MIPEP: variants seen among roughly 807,000 people sequenced by gnomAD.
The protein encoded by MIPEP is mitochondrial intermediate peptidase.
A neutral mutation model predicts 90.3 loss-of-function variants in MIPEP; 79 were observed. The ratio of observed to expected loss-of-function variants is 0.87; its 90% CI spans 0.73 to 1.05. The LOEUF is 1.05. Ranked by LOEUF, MIPEP falls within the 50% of genes least tolerant of loss-of-function variation. The pLI, the probability that MIPEP is intolerant of heterozygous loss-of-function variation, is 0.00. For missense variants in MIPEP, 940 were observed against 905.6 expected, an observed-to-expected ratio of 1.04 and a Z score of -0.49; for synonymous variants, 334 against 315.8, an observed-to-expected ratio of 1.06 and a Z score of -0.61.
intron 14 of MIPEP, among the ~76,000 whole-genome samples, chr13:23,834,199 C>T (rs1350881755): frequency 1.3e-5 from 2 of 152,204 alleles, no homozygotes; most frequent in Admixed American, 6.5e-5. Flanking sequence ...AGGCTCTATC[C>T]GCACCCCCTG....
intron 18 of MIPEP, 121 bp downstream of exon 18, chr13:23,756,424 T>C: frequency 9.7e-7 from 1 of 1,031,852 alleles, no homozygotes; most frequent in Non-Finnish European, 1.5e-6. Context: ...CCCAAAGTGC[T>C]GGGATTACAG....
intron 15 of MIPEP, among the ~76,000 whole-genome samples, chr13:23,808,069 A>T (rs1011209484): frequency 2.6e-5 from 4 of 152,230 alleles, no homozygotes; most frequent in Admixed American, 6.5e-5. Context: ...CAATAATTTT[A>T]AAAAATGTAC....
chr13:23,850,076 T>C (rs1272777589), intron 10 of MIPEP, among the ~76,000 whole-genome samples: 1 of 152,202 alleles, frequency 6.6e-6, no homozygotes, highest in East Asian at 1.9e-4. Flanking sequence ...CCACAGAGGC[T>C]TGTTACAGAA....
At chr13:23,785,052 T>C (rs1952823710) in intron 16 of MIPEP, among the ~76,000 whole-genome samples, 1 of 152,214 alleles carries the variant, frequency 6.6e-6, no homozygotes. Context: ...GACTGCAAAC[T>C]AGTTCAACCA....
intron 9 of MIPEP, among the ~76,000 whole-genome samples, chr13:23,862,054 T>C (rs1236609465): frequency 6.6e-6 from 1 of 152,234 alleles, no homozygotes; most frequent in East Asian, 1.9e-4. Context: ...TGCATGAATA[T>C]ATACACATTG....
chr13:23,876,621 T>C (rs1284132424), intron 4 of MIPEP, among the ~76,000 whole-genome samples: 1 of 152,178 alleles, frequency 6.6e-6, no homozygotes, highest in African/African-American at 2.4e-5. Context: ...TTAAAGTAAT[T>C]TGAAAGGTCT....
intron 16 of MIPEP, among the ~76,000 whole-genome samples, chr13:23,777,855 A>ATATTTTAATGTATTTTAATG (rs1952735407): frequency 1.3e-5 from 2 of 152,206 alleles, no homozygotes; most frequent in Non-Finnish European, 2.9e-5. Context: ...ATTCTCTAAA[A>ATATTTTAATGTATTTTAATG]TATTTTAATG....
intron 16 of MIPEP, among the ~76,000 whole-genome samples, chr13:23,797,591 G>A (rs1400355924): frequency 6.6e-6 from 1 of 152,142 alleles, no homozygotes; most frequent in African/African-American, 2.4e-5. Context: ...AACCTCTAAA[G>A]CACTCCTCTA....
intron 18 of MIPEP, among the ~76,000 whole-genome samples, chr13:23,734,855 G>A (rs2138479086): frequency 6.6e-6 from 1 of 152,308 alleles, no homozygotes; most frequent in East Asian, 1.9e-4. Flanking sequence ...TAGGCAGATA[G>A]AGAGGAAAAG....
At chr13:23,883,233 A>C (rs562955655) in intron 2 of MIPEP, among the ~76,000 whole-genome samples, 1 of 152,166 alleles carries the variant, frequency 6.6e-6, no homozygotes, top group Non-Finnish European at 1.5e-5. Context: ...AGTTTTCAAA[A>C]TGAGATATTA....
At chr13:23,857,351 T>C (rs117235878) in intron 10 of MIPEP, among the ~76,000 whole-genome samples, 2,142 of 152,252 alleles carry the variant, frequency 0.014, 40 homozygotes, top group Non-Finnish European at 0.015. Context: ...GATACATTTT[T>C]AAAAAAATGG....
At chr13:23,763,424 A>G (rs958348576) in intron 16 of MIPEP, among the ~76,000 whole-genome samples, 2 of 152,126 alleles carry the variant, frequency 1.3e-5, no homozygotes, top group Admixed American at 6.5e-5. Flanking sequence ...TCTTTGAAAC[A>G]TTTTCTTCAT....
intron 16 of MIPEP, among the ~76,000 whole-genome samples, chr13:23,778,597 T>C (rs938063563): frequency 1.3e-5 from 2 of 152,194 alleles, no homozygotes; most frequent in African/African-American, 4.8e-5. Context: ...TTTGTTTTTC[T>C]TGCTTTGACA....
At chr13:23,777,782 AC>A (rs1952734843) in intron 16 of MIPEP, among the ~76,000 whole-genome samples, 1 of 152,212 alleles carries the variant, frequency 6.6e-6, no homozygotes, top group Non-Finnish European at 1.5e-5. Context: ...ACTCCACTGC[AC>A]CTAGTGTTAC....
chr13:23,864,026 C>CA, intron 8 of MIPEP, 115 bp downstream of exon 8: 1 of 609,708 alleles, frequency 1.6e-6, no homozygotes, highest in Non-Finnish European at 2.9e-6. Context: ...AGGTCTGGTC[C>CA]AATATGCCAA....
chr13:23,828,866 A>C (rs1868599936), intron 14 of MIPEP, among the ~76,000 whole-genome samples: 1 of 152,244 alleles, frequency 6.6e-6, no homozygotes, highest in Admixed American at 6.5e-5. Context: ...AATTTTGAAG[A>C]ACAAATCGAG....
intron 15 of MIPEP, among the ~76,000 whole-genome samples, 166 bp downstream of exon 15, chr13:23,809,684 T>TG (rs1953150726): frequency 6.6e-6 from 1 of 152,170 alleles, no homozygotes; most frequent in Non-Finnish European, 1.5e-5. Flanking sequence ...AAGGGCAGTG[T>TG]GAGGACTAAA....
intron 10 of MIPEP, among the ~76,000 whole-genome samples, chr13:23,853,384 T>C (rs1205444916): frequency 6.6e-6 from 1 of 152,160 alleles, no homozygotes; most frequent in East Asian, 1.9e-4. Context: ...TTTAGATGCA[T>C]ATATACTTAT....
intron 10 of MIPEP, among the ~76,000 whole-genome samples, chr13:23,858,441 C>CCAG: frequency 6.7e-6 from 1 of 148,558 alleles, no homozygotes; most frequent in East Asian, 2.0e-4. Flanking sequence ...CCACTGCACT[C>CCAG]CAGCCTGGGA....
Sources: gnomAD v4.1 joint callset for allele counts (sites outside exome capture counted in the v4.1 genomes callset) on GRCh38, gnomAD v4.1.1 for gene constraint, MANE v1.5 for transcripts, NCBI Gene and HGNC (gene_info 2026-07-23, HGNC 2026-07-21) for gene names.